Variants in EN1 observed in about 807,000 individuals in gnomAD.
EN1 encodes homeobox protein engrailed-1.
EN1 carries 8 observed loss-of-function variants against 22.9 expected under a neutral mutation model. The ratio of observed to expected loss-of-function variants is 0.35; its 90% CI spans 0.20 to 0.63. The LOEUF (loss-of-function observed/expected upper bound fraction) is 0.63. Among genes scored for constraint, EN1 ranks in the 20% least tolerant of loss-of-function variants. The pLI, the probability that EN1 is intolerant of heterozygous loss-of-function variation, is 0.73. For missense variants in EN1, 521 were observed against 572.1 expected, an observed-to-expected ratio of 0.91 and a Z score of 0.91; for synonymous variants, 287 against 262.5, an observed-to-expected ratio of 1.09 and a Z score of -0.90.
At chr2:118,844,801 A>G (rs1430411953) in intron 1 of EN1, among the ~76,000 whole-genome samples, 1 of 152,248 alleles carries the variant, frequency 6.6e-6, no homozygotes, top group African/African-American at 2.4e-5. Flanking sequence ...CAACTGCCCA[A>G]GCAGGAGAAG....
rs1678282380 is a variant in EN1, at chr2:118,846,762, C to A, written c.406G>T (p.Ala136Ser). ...CGCTCGACCCGGCCTCCTCCTCCTGCGCCTCCTCTGGCCGCCGCAGCCACC... is the reference window on the plus strand; with the variant it reads ...CGCTCGACCCGGCCTCCTCCTCCTGAGCCTCCTCTGGCCGCCGCAGCCACC... ...LLVAAAARGG[A>S]GGGGRVERDR... Residue 136 changes from alanine to serine, a missense_variant, in exon 1 of 2, where the codon GCA becomes TCA. Ala to Ser is a moderately conservative substitution (Grantham distance 99, BLOSUM62 1). Around this residue, in one of 3 missense-constraint regions of EN1, gnomAD observed 436 missense variants for 410.1 expected, o/e 1.06. Transcript: ENST00000295206. The surrounding 1 kb of genome is among the most constrained non-coding windows in gnomAD (Gnocchi z 5.0). The A allele has an allele frequency of 6.3e-7, 1 of 1,594,902 alleles. No homozygotes were observed. The highest frequency in any genetic ancestry group is 8.5e-7 in the Non-Finnish European group (1 of 1,177,596).
In EN1 at chr2:118,847,208, G is replaced by A; in HGVS notation, c.-41C>T. ...CGCCCCGGCCGCCGCGCCGGCCCCC[G>A]CCCCCACCGCCTCGCTCCCCACCCC... On this transcript the variant is annotated 5_prime_UTR_variant, in exon 1 of 2. Transcript: ENST00000295206. 1 of 583,236 alleles carries A rather than the reference G, an allele frequency of 1.7e-6. No homozygotes were observed. Among genetic ancestry groups the A allele is most frequent in the South Asian group, 3.3e-5 (1 of 30,038 alleles). The allele number at this position is 583,236 out of a possible 1,614,324, so 36.1% of individuals were successfully genotyped here.
Position 118,846,465 on chromosome 2 carries a change from G to A in EN1, c.703C>T (p.Pro235Ser), listed in dbSNP as rs768348284. ...GGGTATTTGGTGCCCTGCGCTCCGG[G>A]GCTCCCCGCGCCGCCTCCACTGCCG... ...GGGSGGGAGS[P>S]GAQGTKYPEH... The change falls in exon 1 of 2, where the codon CCC (proline) becomes TCC (serine). Residue 235 changes from proline (P) to serine (S), a missense_variant. Coordinates refer to ENST00000295206, the MANE Select transcript of EN1 (RefSeq NM_001426.4). This position sits in a 1 kb window ranked among gnomAD's most constrained non-coding sequence, Gnocchi z 5.0. The A allele has an allele frequency of 5.6e-6, 9 of 1,603,720 alleles. No homozygotes were observed. Among genetic ancestry groups the A allele is most frequent in the Admixed American group, 3.4e-5 (2 of 59,164 alleles).
chr2:118,846,369 G>T lies in EN1; in HGVS notation c.799C>A (p.Gln267Lys). The T allele has an allele frequency of 6.2e-7, 1 of 1,612,572 alleles. No homozygotes were observed. The highest frequency in any genetic ancestry group is 1.1e-5 in the South Asian group (1 of 91,010). Residue 267 changes from glutamine to lysine, a missense_variant, in exon 1 of 2, where the codon CAG becomes AAG. Coordinates refer to ENST00000295206, the MANE Select transcript of EN1 (RefSeq NM_001426.4). The surrounding 1 kb of genome is among the most constrained non-coding windows in gnomAD (Gnocchi z 5.0). ...NGGPVVKTDSQQPLVWPAWVY... is the reference protein window; with the variant it reads ...NGGPVVKTDSKQPLVWPAWVY... Reference sequence around the variant, plus strand: ...CAGGCGGGCCATACGAGAGGCTGCTGCGAGTCAGTTTTGACCACGGGCCCG... The same window carrying T: ...CAGGCGGGCCATACGAGAGGCTGCTTCGAGTCAGTTTTGACCACGGGCCCG...
chr2:118,845,616 T>A lies in EN1; in HGVS notation c.862+690A>T, dbSNP rs576108783. 3.9e-5 allele frequency among the ~76,000 whole-genome samples: 6 copies of A among 152,156 alleles called. No homozygotes were observed. In the South Asian group the frequency reaches 1.2e-3, roughly 31 times the overall value. On this transcript the variant is annotated intron_variant, in intron 1 of 1. Transcript: ENST00000295206. ...TTCCTGGCCTGAGCCTGACCTGTTTTCTCTCCTCTCCCACTGTTTTTCAGC... is the reference window on the plus strand; with the variant it reads ...TTCCTGGCCTGAGCCTGACCTGTTTACTCTCCTCTCCCACTGTTTTTCAGC...
At position 118,842,866 on chromosome 2, in the gene EN1, C is replaced by G. The variant is rs1678211641; in HGVS notation, c.*72G>C. The G allele has an allele frequency of 4.6e-6, 7 of 1,522,322 alleles. No individual in the cohort carries two copies. The East Asian group carries it at 1.6e-4, about 35-fold the overall frequency. The allele number at this position is 1,522,322 out of a possible 1,614,324, so 94.3% of individuals were successfully genotyped here. On this transcript the variant is annotated 3_prime_UTR_variant, in exon 2 of 2. Transcript: ENST00000295206. ...CCTCCTTGGAGCAGATGCTTTCTCCCCCAGCGAGGGGCCGGGAGACGACGG... is the reference window on the plus strand; with the variant it reads ...CCTCCTTGGAGCAGATGCTTTCTCCGCCAGCGAGGGGCCGGGAGACGACGG...
intron 1 of EN1, 131 bp from the exon 2 acceptor site, chr2:118,843,385 A>T: frequency 1.2e-6 from 1 of 803,886 alleles, no homozygotes; most frequent in Non-Finnish European, 1.9e-6. Context: ...TTCCGGGGCG[A>T]TCTCGGAGGC....
rs1678264052 is a variant in EN1, at chr2:118,846,133, A to G, written c.862+173T>C. 6.6e-6 allele frequency among the ~76,000 whole-genome samples: 1 copy of G among 152,300 alleles called. No homozygotes were observed. The highest frequency in any genetic ancestry group is 2.1e-4 in the South Asian group (1 of 4,820). ...TTCTCGGGTGGTGGCCGCAGAGGCC[A>G]GGATCGCATAGCTGGATGAACATTC... On this transcript the variant is annotated intron_variant, in intron 1 of 1. Coordinates refer to ENST00000295206, the MANE Select transcript of EN1 (RefSeq NM_001426.4). The surrounding 1 kb of genome is among the most constrained non-coding windows in gnomAD (Gnocchi z 5.0).
Position 118,847,008 on chromosome 2 carries a change from G to T in EN1, c.160C>A (p.Pro54Thr), listed in dbSNP as rs1678288588. 2 of 1,376,564 alleles carry T rather than the reference G, an allele frequency of 1.5e-6. No homozygotes were observed. Among genetic ancestry groups the T allele is most frequent in the Non-Finnish European group, 1.9e-6 (2 of 1,073,694 alleles). 85.3% of individuals were successfully genotyped at this position (1,376,564 alleles called of 1,614,324 possible). A position where few individuals can be genotyped will look rare whatever the true frequency, so the allele number is the denominator to read the frequency against. Residue 54 changes from proline (P) to threonine (T), a missense_variant, in exon 1 of 2, where the codon CCT (proline) becomes ACT (threonine). Transcript: ENST00000295206. ...DGDSVPVSPQPAPPSPPAAPC... is the reference protein window; with the variant it reads ...DGDSVPVSPQTAPPSPPAAPC... ...GCCGCGGGCGGCGAGGGGGGCGCAG[G>T]CTGCGGGGACACCGGCACGCTGTCT...
chr2:118,847,151 G>T lies in EN1; in HGVS notation c.17C>A (p.Pro6Gln). ...CGAGTCGCGCTGACTTTTAGGTTCCGGCTGCTGTTCTTCCATGCTCGGCCG... is the reference window on the plus strand; with the variant it reads ...CGAGTCGCGCTGACTTTTAGGTTCCTGCTGCTGTTCTTCCATGCTCGGCCG... MEEQQ[P>Q]EPKSQRDSAL... The change falls in exon 1 of 2, where the codon CCG becomes CAG. Residue 6 changes from proline (P) to glutamine (Q), a missense_variant. Coordinates refer to ENST00000295206, the MANE Select transcript of EN1 (RefSeq NM_001426.4). 8.6e-7 allele frequency: 1 copy of T among 1,169,334 alleles called. No homozygotes were observed. 72.4% of individuals were successfully genotyped at this position (1,169,334 alleles called of 1,614,324 possible). A position where few individuals can be genotyped will look rare whatever the true frequency, so the allele number is the denominator to read the frequency against.
In EN1 at chr2:118,846,426, G is replaced by T. The variant is rs374023978; in HGVS notation, c.742C>A (p.Pro248Thr). ...GCTGAGCCCATAAGTAGGATAGCCG[G>T]GTTGCCGTGCTCCGGGTATTTGGTG... Reference protein sequence around the residue: ...QGTKYPEHGNPAILLMGSANG... With the variant: ...QGTKYPEHGNTAILLMGSANG... Residue 248 changes from proline to threonine, a missense_variant, in exon 1 of 2, where the codon CCG becomes ACG. Coordinates refer to ENST00000295206, the MANE Select transcript of EN1 (RefSeq NM_001426.4). The surrounding 1 kb of genome is among the most constrained non-coding windows in gnomAD (Gnocchi z 5.0). 2 of 1,613,118 alleles carry T rather than the reference G, an allele frequency of 1.2e-6. No individual in the cohort carries two copies. Among genetic ancestry groups the T allele is most frequent in the Middle Eastern group, 1.7e-4 (1 of 6,060 alleles).
chr2:118,843,577 CACA>C (rs1320350696), intron 1 of EN1, among the ~76,000 whole-genome samples: 10 of 152,166 alleles, frequency 6.6e-5, no homozygotes, highest in Non-Finnish European at 1.3e-4. Context: ...AGACCGAAAT[CACA>C]ACATTTCCAA....
Position 118,842,732 on chromosome 2 carries a change from T to A in EN1, c.*206A>T, listed in dbSNP as rs1223419022. ...ATAGAGAATGGATCTTATTTTTCGA[T>A]AGCACCTGTCCGAGTCTTTCTCCCT... is the stretch of plus-strand genomic sequence containing the variant. On this transcript the variant is annotated 3_prime_UTR_variant, in exon 2 of 2. Coordinates refer to ENST00000295206, the MANE Select transcript of EN1 (RefSeq NM_001426.4). The A allele has an allele frequency of 4.4e-6, 4 of 899,180 alleles. No homozygotes were observed. In the East Asian group the frequency reaches 1.1e-4, roughly 25 times the overall value. 55.7% of individuals were successfully genotyped at this position (899,180 alleles called of 1,614,324 possible).
Position 118,842,962 on chromosome 2 carries a change from G to A in EN1, c.1155C>T (p.Val385=), listed in dbSNP as rs781213770. The change falls in exon 2 of 2, where the codon GTC becomes GTT. Residue 385 remains valine (V), a synonymous_variant. Coordinates refer to ENST00000295206, the MANE Select transcript of EN1 (RefSeq NM_001426.4). ...QGLYNHSTTT[V]QDKDESE ...GCTACTCGCTCTCGTCTTTGTCCTG[G>A]ACCGTGGTGGTGGAGTGGTTGTACA... The A allele has an allele frequency of 5.0e-6, 8 of 1,613,716 alleles. No homozygotes were observed. Among genetic ancestry groups the A allele is most frequent in the East Asian group, 2.2e-5 (1 of 44,880 alleles).
chr2:118,842,937 G>T lies in EN1; in HGVS notation c.*1C>A, dbSNP rs564888659. 58 of 1,599,516 alleles carry T rather than the reference G, an allele frequency of 3.6e-5. No individual in the cohort carries two copies. The South Asian group carries it at 6.1e-4, about 17-fold the overall frequency. The stretch of plus-strand genomic sequence containing the variant: ...GCGGGCGCGGCCCCGGCCTGTGGCG[G>T]CTACTCGCTCTCGTCTTTGTCCTGG... On this transcript the variant is annotated 3_prime_UTR_variant, in exon 2 of 2. Coordinates refer to ENST00000295206, the MANE Select transcript of EN1 (RefSeq NM_001426.4).
Position 118,842,860 on chromosome 2 carries a change from T to G in EN1, c.*78A>C. On this transcript the variant is annotated 3_prime_UTR_variant, in exon 2 of 2. Transcript: ENST00000295206. The stretch of plus-strand genomic sequence containing the variant: ...TCCCTCCCTCCTTGGAGCAGATGCT[T>G]TCTCCCCCAGCGAGGGGCCGGGAGA... 1 of 1,511,752 alleles carries G rather than the reference T, an allele frequency of 6.6e-7. No homozygotes were observed. Among genetic ancestry groups the G allele is most frequent in the South Asian group, 1.3e-5 (1 of 76,480 alleles). 93.6% of individuals were successfully genotyped at this position (1,511,752 alleles called of 1,614,324 possible).
intron 1 of EN1, among the ~76,000 whole-genome samples, chr2:118,845,892 T>C (rs1395470879): frequency 6.6e-6 from 1 of 152,240 alleles, no homozygotes. Flanking sequence ...AGGCCTTCTC[T>C]GGTCAAATCT....
Position 118,847,111 on chromosome 2 carries a change from C to T in EN1, c.57G>A (p.Ala19=). ...KSQRDSALGA[A]AAATPGGLSL... is the part of the protein sequence containing the mutation. ...TGAGGCCGCCCGGAGTCGCCGCCGCCGCCGCGCCGAGGGCCGAGTCGCGCT... is the reference window on the plus strand; with the variant it reads ...TGAGGCCGCCCGGAGTCGCCGCCGCTGCCGCGCCGAGGGCCGAGTCGCGCT... The change falls in exon 1 of 2, where the codon GCG becomes GCA. Residue 19 remains alanine, a synonymous_variant. Coordinates refer to ENST00000295206, the MANE Select transcript of EN1 (RefSeq NM_001426.4). The T allele has an allele frequency of 2.2e-6, 3 of 1,387,350 alleles. No homozygotes were observed. The highest frequency in any genetic ancestry group is 2.8e-6 in the Non-Finnish European group (3 of 1,057,000). The allele number at this position is 1,387,350 out of a possible 1,614,324, so 85.9% of individuals were successfully genotyped here.
chr2:118,846,725 T>G lies in EN1; in HGVS notation c.443A>C (p.Gln148Pro). Residue 148 changes from glutamine to proline, a missense_variant, in exon 1 of 2, where the codon CAG becomes CCG. Physicochemically the swap from Gln to Pro is moderately conservative, Grantham distance 76. Around this residue, in one of 3 missense-constraint regions of EN1, gnomAD observed 436 missense variants for 410.1 expected, o/e 1.06. Transcript: ENST00000295206. This position sits in a 1 kb window ranked among gnomAD's most constrained non-coding sequence, Gnocchi z 5.0. The stretch of plus-strand genomic sequence containing the variant: ...GACAGGGTCTCTACCTGCGGCAGTC[T>G]GGCCTCTGTCACGCTCGACCCGGCC... ...GGGRVERDRG[Q>P]TAAGRDPVHP... 2 of 1,592,730 alleles carry G rather than the reference T, an allele frequency of 1.3e-6. No individual in the cohort carries two copies. Among genetic ancestry groups the G allele is most frequent in the Non-Finnish European group, 1.7e-6 (2 of 1,176,994 alleles).
Sources: allele counts gnomAD v4.1 joint callset (sites outside exome capture counted in the v4.1 genomes callset), GRCh38; gene constraint gnomAD v4.1.1; regional missense constraint gnomAD v4.1.1; non-coding constraint Gnocchi (gnomAD v3.1); transcripts MANE v1.5; gene names NCBI Gene and HGNC (gene_info 2026-07-23, HGNC 2026-07-21).